ITGA11: variants seen among roughly 807,000 people sequenced by gnomAD.
ITGA11 encodes integrin alpha-11.
In ITGA11, 97 loss-of-function variants were observed where a neutral mutation model predicts 141.9. The observed-to-expected ratio is 0.68, with a 90% CI of 0.58 to 0.81. The LOEUF (loss-of-function observed/expected upper bound fraction) is 0.81. Among genes scored for constraint, ITGA11 ranks in the 30% least tolerant of loss-of-function variants. The pLI, the probability that ITGA11 is intolerant of heterozygous loss-of-function variation, is 0.00. For synonymous variants in ITGA11, 658 were observed against 624.6 expected, an observed-to-expected ratio of 1.05 and a Z score of -0.80; for missense variants, 1,387 against 1,559.2, an observed-to-expected ratio of 0.89 and a Z score of 1.86.
At position 68,369,293 on chromosome 15, in the gene ITGA11, G is replaced by A. The variant is rs936944277; in HGVS notation, c.165-9C>T. ...GGGCGCCCACGACCAGCCTGGGAAG[G>A]AAGAGAAGATGAGCAAAGACATTGG... is the stretch of plus-strand genomic sequence containing the variant. On this transcript the variant is annotated splice_polypyrimidine_tract_variant and intron_variant, in intron 2 of 29. Transcript: ENST00000315757. The A allele has an allele frequency of 6.4e-7, 1 of 1,574,740 alleles. No homozygotes were observed. Among genetic ancestry groups the A allele is most frequent in the African/African-American group, 1.4e-5 (1 of 73,166 alleles).
At position 68,420,516 on chromosome 15, in the gene ITGA11, T is replaced by C. The variant is rs989953418; in HGVS notation, c.52+11499A>G. 2.0e-5 allele frequency among the ~76,000 whole-genome samples: 3 copies of C among 152,202 alleles called. No individual in the cohort carries two copies. The East Asian group carries it at 5.8e-4, about 29-fold the overall frequency. ...CAATGGCCACCAACCTCTTCTTGTC[T>C]GGAAAGAAAGCCTTTGATAACAAGT... On this transcript the variant is annotated intron_variant, in intron 1 of 29. Transcript: ENST00000315757.
intron 2 of ITGA11, among the ~76,000 whole-genome samples, chr15:68,382,764 T>C (rs537779448): frequency 1.2e-4 from 19 of 152,348 alleles, no homozygotes; most frequent in African/African-American, 4.6e-4. Context: ...TTTCCATGTC[T>C]GTCTACATTA....
chr15:68,300,517 C>T lies in ITGA11; in HGVS notation c.*2542G>A. 1 of 152,258 alleles carries T rather than the reference C, an allele frequency of 6.6e-6. No homozygotes were observed. The highest frequency in any genetic ancestry group is 1.9e-4 in the East Asian group (1 of 5,198). 9.4% of individuals were successfully genotyped at this position (152,258 alleles called of 1,614,324 possible). A position where few individuals can be genotyped will look rare whatever the true frequency, so the allele number is the denominator to read the frequency against. On this transcript the variant is annotated 3_prime_UTR_variant, in exon 30 of 30. Coordinates refer to ENST00000315757, the MANE Select transcript of ITGA11 (RefSeq NM_001004439.2). ...TTGAGAAACACTGCGTTAGCATAGA[C>T]TTTGCTCCCTATAAGATGCATCTTT...
intron 2 of ITGA11, among the ~76,000 whole-genome samples, chr15:68,397,748 ATAT>A (rs1262747149): frequency 3.2e-5 from 2 of 62,620 alleles, no homozygotes; most frequent in South Asian, 6.1e-4. Flanking sequence ...TATATTTAAA[ATAT>A]TATATTTAAA....
intron 2 of ITGA11, among the ~76,000 whole-genome samples, chr15:68,373,165 C>T (rs114123548): frequency 0.011 from 1,659 of 152,232 alleles, 42 homozygotes; most frequent in African/African-American, 0.036. Flanking sequence ...AGGAAGCCGT[C>T]GGTGATTACC....
At position 68,350,803 on chromosome 15, in the gene ITGA11, G is replaced by A. The variant is rs1894884740; in HGVS notation, c.895-21C>T. On this transcript the variant is annotated intron_variant, in intron 8 of 29. Transcript: ENST00000315757. ...AGGACCTGCCAGGGAACAGGGGCAGGAACCACAAACCAGAACATAGCACAG... is the reference window on the plus strand; with the variant it reads ...AGGACCTGCCAGGGAACAGGGGCAGAAACCACAAACCAGAACATAGCACAG... The A allele has an allele frequency of 5.0e-6, 8 of 1,603,812 alleles. No individual in the cohort carries two copies. The African/African-American group carries it at 6.7e-5, about 13-fold the overall frequency.
chr15:68,429,899 C>T (rs1897231976), intron 1 of ITGA11, among the ~76,000 whole-genome samples: 1 of 152,204 alleles, frequency 6.6e-6, no homozygotes, highest in African/African-American at 2.4e-5. Flanking sequence ...GGAAGCCTTC[C>T]TTGCTTATCT....
chr15:68,353,718 C>T (rs980902052), intron 7 of ITGA11, among the ~76,000 whole-genome samples: 1 of 152,130 alleles, frequency 6.6e-6, no homozygotes, highest in African/African-American at 2.4e-5. Context: ...GCTTTATACT[C>T]ATAACAGGCT....
intron 2 of ITGA11, among the ~76,000 whole-genome samples, chr15:68,386,220 C>T (rs1242181444): frequency 6.6e-6 from 1 of 152,142 alleles, no homozygotes; most frequent in Non-Finnish European, 1.5e-5. Context: ...CCATGGCTGC[C>T]CATCTGCTGT....
At chr15:68,362,325 C>G (rs975817771) in intron 4 of ITGA11, among the ~76,000 whole-genome samples, 1 of 152,232 alleles carries the variant, frequency 6.6e-6, no homozygotes, top group African/African-American at 2.4e-5. Context: ...CCATTGTTAT[C>G]CTGCTATCAG....
Position 68,304,394 on chromosome 15 carries a change from A to G in ITGA11, c.3382-509T>C, listed in dbSNP as rs1056211705. Among the ~76,000 whole-genome samples, 1 of 152,244 alleles carries G rather than the reference A, an allele frequency of 6.6e-6. No homozygotes were observed. Among genetic ancestry groups the G allele is most frequent in the Non-Finnish European group, 1.5e-5 (1 of 68,050 alleles). On this transcript the variant is annotated intron_variant, in intron 28 of 29. Coordinates refer to ENST00000315757, the MANE Select transcript of ITGA11 (RefSeq NM_001004439.2). This position sits in a 1 kb window ranked among gnomAD's most constrained non-coding sequence, Gnocchi z 6.1. Reference sequence around the variant, plus strand: ...TTACATTTCTTTTAAAATTAGAGGAAAAAATGGAATAGAATCCAGCTTGGA... The same window carrying G: ...TTACATTTCTTTTAAAATTAGAGGAGAAAATGGAATAGAATCCAGCTTGGA...
chr15:68,364,081 A>G (rs1213042549), intron 4 of ITGA11, among the ~76,000 whole-genome samples: 1 of 152,218 alleles, frequency 6.6e-6, no homozygotes, highest in Non-Finnish European at 1.5e-5. Flanking sequence ...AAATGAATGA[A>G]TGTTTCTACC....
At chr15:68,420,165 C>G (rs558920271) in intron 1 of ITGA11, among the ~76,000 whole-genome samples, 1 of 152,326 alleles carries the variant, frequency 6.6e-6, no homozygotes, top group South Asian at 2.1e-4. Context: ...TGGCCACATT[C>G]TGTGGCATAT....
At chr15:68,341,302 T>C (rs1017740689) in intron 10 of ITGA11, among the ~76,000 whole-genome samples, 1 of 152,212 alleles carries the variant, frequency 6.6e-6, no homozygotes, top group African/African-American at 2.4e-5. Context: ...AACTCATATA[T>C]TCGCTGTCCA....
chr15:68,344,115 C>T (rs190958024), intron 10 of ITGA11, among the ~76,000 whole-genome samples: 1 of 152,200 alleles, frequency 6.6e-6, no homozygotes, highest in Non-Finnish European at 1.5e-5. Flanking sequence ...CTTAGGAGGA[C>T]CCGAATGAAC....
chr15:68,346,727 C>T (rs1360463430), intron 10 of ITGA11, among the ~76,000 whole-genome samples: 6 of 152,168 alleles, frequency 3.9e-5, no homozygotes, highest in African/African-American at 1.2e-4. Context: ...TGCTGAAATC[C>T]GTGTCCTTTA....
Position 68,301,238 on chromosome 15 carries a change from C to A in ITGA11, c.*1821G>T, listed in dbSNP as rs548632911. ...TAGGGCTCTTCCTGGTTCTGAGTGT[C>A]CTCATTTATGCAAAAACAAGATCAA... On this transcript the variant is annotated 3_prime_UTR_variant, in exon 30 of 30. Transcript: ENST00000315757. The surrounding 1 kb of genome is among the most constrained non-coding windows in gnomAD (Gnocchi z 4.4). 3 of 152,302 alleles carry A rather than the reference C, an allele frequency of 2.0e-5. No individual in the cohort carries two copies. Among genetic ancestry groups the A allele is most frequent in the South Asian group, 4.1e-4 (2 of 4,822 alleles). 9.4% of individuals were successfully genotyped at this position (152,302 alleles called of 1,614,324 possible). A position where few individuals can be genotyped will look rare whatever the true frequency, so the allele number is the denominator to read the frequency against.
intron 21 of ITGA11, among the ~76,000 whole-genome samples, chr15:68,315,954 T>C (rs1893560189): frequency 6.6e-6 from 1 of 152,096 alleles, no homozygotes; most frequent in African/African-American, 2.4e-5. Flanking sequence ...GCTCCCACAA[T>C]GGGGTTTCTC....
At chr15:68,388,979 T>A (rs1044772331) in intron 2 of ITGA11, among the ~76,000 whole-genome samples, 10 of 152,198 alleles carry the variant, frequency 6.6e-5, no homozygotes, top group African/African-American at 2.4e-4. Flanking sequence ...TCCAGCCACA[T>A]GGGATGGCGT....
Sources: allele counts gnomAD v4.1 joint callset (sites outside exome capture counted in the v4.1 genomes callset), GRCh38; gene constraint gnomAD v4.1.1; non-coding constraint Gnocchi (gnomAD v3.1); transcripts MANE v1.5; gene names NCBI Gene and HGNC (gene_info 2026-07-23, HGNC 2026-07-21).